NDNF: variants seen among roughly 807,000 people sequenced by gnomAD.
NDNF encodes protein NDNF.
Under a neutral mutation model 42.0 loss-of-function variants are expected in NDNF, and 16 were observed. That is an observed-to-expected ratio of 0.38 (90% CI 0.26 to 0.58). The LOEUF (loss-of-function observed/expected upper bound fraction) is 0.58. Among genes scored for constraint, NDNF ranks in the 20% least tolerant of loss-of-function variants. The pLI, the probability that NDNF is intolerant of heterozygous loss-of-function variation, is 0.67. For missense variants in NDNF, 616 were observed against 666.2 expected (o/e 0.92, Z 0.83); for synonymous variants, 248 against 251.7 (o/e 0.99, Z 0.14).
chr4:121,039,165 A>ATACG (rs1560603109), intron 3 of NDNF, among the ~76,000 whole-genome samples: 11 of 54,248 alleles, frequency 2.0e-4, no homozygotes, highest in Non-Finnish European at 3.8e-4. Flanking sequence ...ATGTATATAT[A>ATACG]TATATAAAGA....
chr4:121,047,185 T>C (rs1190963200), intron 1 of NDNF, among the ~76,000 whole-genome samples: 2 of 152,246 alleles, frequency 1.3e-5, no homozygotes, highest in Admixed American at 6.5e-5. Flanking sequence ...CAAAAATATA[T>C]AGTTTGAAAG....
rs904939519 is a variant in NDNF, at chr4:121,072,373, C to T, written c.-382G>A. 1 of 151,428 alleles carries T rather than the reference C, an allele frequency of 6.6e-6. No individual in the cohort carries two copies. The highest frequency in any genetic ancestry group is 2.4e-5 in the African/African-American group (1 of 41,240). The allele number at this position is 151,428 out of a possible 1,614,324, so 9.4% of individuals were successfully genotyped here. A position where few individuals can be genotyped will look rare whatever the true frequency, so the allele number is the denominator to read the frequency against. ...GCGGCGGGAGGATGCCGCAGCGACC[C>T]GCGGGGCTGGCGCGGGCTTCGCCGG... On this transcript the variant is annotated 5_prime_UTR_variant, in exon 1 of 4. Coordinates refer to ENST00000379692, the MANE Select transcript of NDNF (RefSeq NM_024574.4).
chr4:121,037,802 T>A, intron 3 of NDNF, 145 bp from the exon 4 acceptor site: 1 of 580,780 alleles, frequency 1.7e-6, no homozygotes, highest in Non-Finnish European at 2.9e-6. Context: ...GTATTCAAGA[T>A]AATATTTATT....
intron 1 of NDNF, chr4:121,071,429 A>G (rs778684015): frequency 6.6e-6 from 1 of 152,120 alleles, no homozygotes. Context: ...CCAGACGCCC[A>G]CCAAGAACTC....
chr4:121,045,957 T>C (rs1490194473), intron 1 of NDNF, 119 bp from the exon 2 acceptor site: 1 of 839,334 alleles, frequency 1.2e-6, no homozygotes, highest in Non-Finnish European at 1.8e-6. Context: ...ACGCATCATG[T>C]ATTTTGGATA....
At chr4:121,043,045 A>G (rs541436133) in intron 2 of NDNF, among the ~76,000 whole-genome samples, 23 of 152,228 alleles carry the variant, frequency 1.5e-4, no homozygotes, top group Non-Finnish European at 2.9e-4. Flanking sequence ...GAATATACTT[A>G]ACAATTTGAC....
chr4:121,052,957 T>C (rs1329801878), intron 1 of NDNF, among the ~76,000 whole-genome samples: 1 of 152,200 alleles, frequency 6.6e-6, no homozygotes, highest in African/African-American at 2.4e-5. Flanking sequence ...TGGTCTGCCC[T>C]GACGAGTGGT....
intron 1 of NDNF, among the ~76,000 whole-genome samples, chr4:121,063,373 T>C (rs1727446366): frequency 6.6e-6 from 1 of 152,194 alleles, no homozygotes; most frequent in Admixed American, 6.5e-5. Context: ...AGAAAATATG[T>C]TTTATTATTT....
intron 1 of NDNF, among the ~76,000 whole-genome samples, chr4:121,047,597 G>T (rs1162945002): frequency 6.6e-6 from 1 of 152,174 alleles, no homozygotes; most frequent in Non-Finnish European, 1.5e-5. Context: ...TATTGCAAGT[G>T]TAAGAAAATT....
chr4:121,048,059 T>C (rs977426297), intron 1 of NDNF, among the ~76,000 whole-genome samples: 2 of 152,220 alleles, frequency 1.3e-5, no homozygotes, highest in Admixed American at 6.5e-5. Flanking sequence ...CTCTTTTGTT[T>C]GGAGCTAACA....
At chr4:121,041,120 T>G (rs1306121929) in intron 2 of NDNF, among the ~76,000 whole-genome samples, 1 of 152,248 alleles carries the variant, frequency 6.6e-6, no homozygotes, top group Non-Finnish European at 1.5e-5. Flanking sequence ...TTCTACTCTG[T>G]GCTTTCCCCT....
intron 1 of NDNF, among the ~76,000 whole-genome samples, chr4:121,055,470 A>G (rs935836697): frequency 6.6e-6 from 1 of 152,226 alleles, no homozygotes; most frequent in African/African-American, 2.4e-5. Context: ...AAAATGACAA[A>G]CAGAAAGTAC....
At chr4:121,071,044 G>A (rs1260231719) in intron 1 of NDNF, among the ~76,000 whole-genome samples, 1 of 152,178 alleles carries the variant, frequency 6.6e-6, no homozygotes, top group Middle Eastern at 3.2e-3. Flanking sequence ...CAACGAAACC[G>A]CACTCCAAAT....
At chr4:121,051,923 C>G (rs1039522093) in intron 1 of NDNF, among the ~76,000 whole-genome samples, 41 of 152,232 alleles carry the variant, frequency 2.7e-4, no homozygotes, top group African/African-American at 9.1e-4. Context: ...CAAACAATTG[C>G]AAATCTGGTA....
At chr4:121,052,507 T>C (rs766599775) in intron 1 of NDNF, among the ~76,000 whole-genome samples, 3 of 152,220 alleles carry the variant, frequency 2.0e-5, no homozygotes, top group Non-Finnish European at 4.4e-5. Flanking sequence ...AATGCAAATA[T>C]TTAGTCTTTT....
intron 2 of NDNF, among the ~76,000 whole-genome samples, chr4:121,045,225 G>T (rs551460855): frequency 6.6e-6 from 1 of 152,002 alleles, no homozygotes; most frequent in Non-Finnish European, 1.5e-5. Flanking sequence ...GGTGGAGGAC[G>T]CCTGTAGTCC....
chr4:121,036,227 C>G lies in NDNF; in HGVS notation c.*37G>C. On this transcript the variant is annotated 3_prime_UTR_variant, in exon 4 of 4. Transcript: ENST00000379692. ...TACTTAAAGTGATTTAATGTCCCTC[C>G]TGGAGTTCTACATAATATATCTCTA... The G allele has an allele frequency of 6.7e-7, 1 of 1,501,498 alleles. No homozygotes were observed. The highest frequency in any genetic ancestry group is 9.0e-7 in the Non-Finnish European group (1 of 1,112,962). The allele number at this position is 1,501,498 out of a possible 1,614,324, so 93.0% of individuals were successfully genotyped here.
At position 121,070,376 on chromosome 4, in the gene NDNF, T is replaced by C. The variant is rs544633133; in HGVS notation, c.-2+1617A>G. On this transcript the variant is annotated intron_variant, in intron 1 of 3. Coordinates refer to ENST00000379692, the MANE Select transcript of NDNF (RefSeq NM_024574.4). ...GCTCCCTTGGGAGGGATGTTTTATC[T>C]CTACTTCTCCGAACCCAGGGAGGAT... is the stretch of plus-strand genomic sequence containing the variant. Among the ~76,000 whole-genome samples the C allele has an allele frequency of 2.0e-4, 30 of 152,330 alleles. No individual in the cohort carries two copies. In the South Asian group the frequency reaches 5.4e-3, roughly 27 times the overall value.
intron 1 of NDNF, among the ~76,000 whole-genome samples, chr4:121,065,463 A>G (rs1727484184): frequency 6.6e-6 from 1 of 152,096 alleles, no homozygotes. Context: ...AGTATCTTGT[A>G]TCCTCCACTT....
Sources: allele counts gnomAD v4.1 joint callset (sites outside exome capture counted in the v4.1 genomes callset), GRCh38; gene constraint gnomAD v4.1.1; transcripts MANE v1.5; gene names NCBI Gene and HGNC (gene_info 2026-07-23, HGNC 2026-07-21).